Variants in SYT9 observed in about 807,000 individuals in gnomAD.
SYT9 encodes synaptotagmin 9.
SYT9 carries 22 observed loss-of-function variants against 48.4 expected under a neutral mutation model. That is an observed-to-expected ratio of 0.45 (90% confidence interval 0.32 to 0.65). The LOEUF (loss-of-function observed/expected upper bound fraction) is 0.65, where lower values mean the gene tolerates loss of function less well. Among genes scored for constraint, SYT9 ranks in the 30% least tolerant of loss-of-function variants. The pLI, the probability that SYT9 is intolerant of heterozygous loss-of-function variation, is 0.03. For missense variants in SYT9, 577 were observed against 622.0 expected (o/e 0.93, Z 0.77); for synonymous variants, 265 against 245.0 (o/e 1.08, Z -0.76).
At chr11:7,380,419 T>TA (rs1850539582) in intron 3 of SYT9, among the ~76,000 whole-genome samples, 1 of 152,064 alleles carries the variant, frequency 6.6e-6, no homozygotes, top group Admixed American at 6.6e-5. Context: ...TTAAATAACT[T>TA]AAAAAGTATA....
chr11:7,363,576 A>G (rs1247895542), intron 3 of SYT9, among the ~76,000 whole-genome samples: 2 of 152,232 alleles, frequency 1.3e-5, no homozygotes, highest in Non-Finnish European at 2.9e-5. Flanking sequence ...GGCTTGGGAA[A>G]GGATCCTTTT....
chr11:7,398,689 C>T (rs531990006), intron 3 of SYT9, among the ~76,000 whole-genome samples: 21 of 152,220 alleles, frequency 1.4e-4, no homozygotes, highest in African/African-American at 4.8e-4. Context: ...TTACTATTCT[C>T]GTGTACGGGT....
intron 3 of SYT9, among the ~76,000 whole-genome samples, chr11:7,378,118 CAA>C (rs3086248): frequency 7.0e-6 from 1 of 143,610 alleles, no homozygotes. Context: ...TTCAAAGATA[CAA>C]AAAAAAAAAA....
At chr11:7,426,284 G>A (rs1847456387) in intron 6 of SYT9, among the ~76,000 whole-genome samples, 1 of 152,182 alleles carries the variant, frequency 6.6e-6, no homozygotes, top group East Asian at 1.9e-4. Flanking sequence ...CATGGCTGGT[G>A]TAACTGTGGG....
At chr11:7,409,019 A>G (rs1847080284) in intron 3 of SYT9, among the ~76,000 whole-genome samples, 2 of 152,170 alleles carry the variant, frequency 1.3e-5, no homozygotes, top group Non-Finnish European at 2.9e-5. Flanking sequence ...AACATTCAGT[A>G]TGATGTTATC....
chr11:7,335,806 A>G (rs1258751070), intron 3 of SYT9, among the ~76,000 whole-genome samples: 2 of 152,174 alleles, frequency 1.3e-5, no homozygotes, highest in Admixed American at 6.6e-5. Context: ...TGCAACGAAT[A>G]TACACATGCA....
chr11:7,452,766 A>G (rs1269504453), intron 6 of SYT9, among the ~76,000 whole-genome samples: 1 of 152,020 alleles, frequency 6.6e-6, no homozygotes, highest in African/African-American at 2.4e-5. Flanking sequence ...TTGGGCTTCT[A>G]GGAACAGAAA....
intron 3 of SYT9, among the ~76,000 whole-genome samples, chr11:7,361,032 A>G (rs943972153): frequency 6.6e-6 from 1 of 152,262 alleles, no homozygotes; most frequent in Admixed American, 6.5e-5. Context: ...TTCCTAAAAT[A>G]CACATAGTTA....
intron 6 of SYT9, among the ~76,000 whole-genome samples, chr11:7,437,353 A>T (rs1847730471): frequency 6.6e-6 from 1 of 152,242 alleles, no homozygotes; most frequent in Non-Finnish European, 1.5e-5. Flanking sequence ...CATGACATGG[A>T]CATAGATATA....
At chr11:7,291,457 A>G (rs1489026477) in intron 1 of SYT9, among the ~76,000 whole-genome samples, 1 of 152,196 alleles carries the variant, frequency 6.6e-6, no homozygotes, top group Non-Finnish European at 1.5e-5. Flanking sequence ...CAATCATAGA[A>G]TTATAAACTG....
chr11:7,416,700 T>C (rs1166701027), intron 4 of SYT9, among the ~76,000 whole-genome samples: 1 of 152,194 alleles, frequency 6.6e-6, no homozygotes, highest in Admixed American at 6.5e-5. Flanking sequence ...GCAAATACGA[T>C]GCCATTTTAT....
At position 7,303,266 on chromosome 11, in the gene SYT9, T is replaced by TC; in HGVS notation, c.375dup (p.Ser126LeufsTer10). On this transcript the variant is annotated frameshift_variant, in exon 2 of 7. Transcript: ENST00000318881. LOFTEE classifies it high-confidence loss of function. ...AGATCCTCCCACGCCCTGCCCTGAC[T>TC]CCTCCATGAAGATCAGCCACACCTC... is the stretch of plus-strand genomic sequence containing the variant. 6.2e-7 allele frequency: 1 copy of TC among 1,613,654 alleles called. No homozygotes were observed. Among genetic ancestry groups the TC allele is most frequent in the Non-Finnish European group, 8.5e-7 (1 of 1,179,746 alleles).
At chr11:7,452,335 C>T (rs1848070596) in intron 6 of SYT9, among the ~76,000 whole-genome samples, 1 of 152,130 alleles carries the variant, frequency 6.6e-6, no homozygotes, top group African/African-American at 2.4e-5. Context: ...GATTCTGTTC[C>T]CTGCAGTTCT....
At chr11:7,459,457 G>A (rs907622135) in intron 6 of SYT9, among the ~76,000 whole-genome samples, 1 of 152,158 alleles carries the variant, frequency 6.6e-6, no homozygotes, top group African/African-American at 2.4e-5. Context: ...AACCAAGAGG[G>A]TTTGGTATCC....
At chr11:7,320,927 G>C (rs1849326548) in intron 3 of SYT9, among the ~76,000 whole-genome samples, 1 of 152,154 alleles carries the variant, frequency 6.6e-6, no homozygotes, top group South Asian at 2.1e-4. Context: ...TGAGTCCAGT[G>C]TTCTGGGTTA....
intron 3 of SYT9, among the ~76,000 whole-genome samples, chr11:7,398,259 T>C (rs1449811858): frequency 1.3e-5 from 2 of 152,184 alleles, no homozygotes; most frequent in East Asian, 3.8e-4. Flanking sequence ...ATTATGATGT[T>C]CAAATGTTAA....
chr11:7,307,174 T>C (rs920796378), intron 2 of SYT9, among the ~76,000 whole-genome samples: 2 of 152,182 alleles, frequency 1.3e-5, no homozygotes, highest in East Asian at 3.8e-4. Flanking sequence ...GCTGACAGAA[T>C]TGAAAGAGGA....
intron 1 of SYT9, among the ~76,000 whole-genome samples, chr11:7,265,136 A>G (rs1283466010): frequency 3.3e-5 from 5 of 151,896 alleles, no homozygotes; most frequent in African/African-American, 1.2e-4. Context: ...CTGATTCCCA[A>G]TTTTTTTTGC....
At chr11:7,278,697 T>G (rs935245265) in intron 1 of SYT9, among the ~76,000 whole-genome samples, 5 of 152,220 alleles carry the variant, frequency 3.3e-5, no homozygotes, top group African/African-American at 1.2e-4. Context: ...AGGTATAGTT[T>G]TAAGTAGCAA....
Sources: allele counts gnomAD v4.1 joint callset (sites outside exome capture counted in the v4.1 genomes callset), GRCh38; gene constraint gnomAD v4.1.1; transcripts MANE v1.5; gene names NCBI Gene and HGNC (gene_info 2026-07-23, HGNC 2026-07-21).